The following PDE3A variants were observed in gnomAD, a reference collection of about 807,000 sequenced individuals.
PDE3A encodes cGMP-inhibited 3',5'-cyclic phosphodiesterase 3A.
Under a neutral mutation model 98.3 loss-of-function variants are expected in PDE3A, and 43 were observed. The ratio of observed to expected loss-of-function variants is 0.44; its 90% confidence interval spans 0.34 to 0.56. The LOEUF is 0.56. PDE3A is among the 20% of genes least tolerant of loss of function. The probability of loss-of-function intolerance (pLI) is 0.01; values close to 1 mark genes in which losing one functional copy is unlikely to be tolerated. For synonymous variants in PDE3A, 663 were observed against 567.9 expected, an observed-to-expected ratio of 1.17 and a Z score of -2.38; for missense variants, 1,427 against 1,440.7, an observed-to-expected ratio of 0.99 and a Z score of 0.15.
At chr12:20,401,645 C>G (rs1454848873) in intron 1 of PDE3A, among the ~76,000 whole-genome samples, 1 of 152,188 alleles carries the variant, frequency 6.6e-6, no homozygotes, top group African/African-American at 2.4e-5. Context: ...CTTCTACCTG[C>G]TTCACGATGT....
intron 15 of PDE3A, among the ~76,000 whole-genome samples, chr12:20,671,691 GA>G (rs1486802997): frequency 1.4e-5 from 2 of 146,860 alleles, no homozygotes; most frequent in African/African-American, 5.1e-5. Context: ...GTATTGATGG[GA>G]CATATTTCAA....
At chr12:20,414,561 G>A (rs1218838729) in intron 1 of PDE3A, among the ~76,000 whole-genome samples, 1 of 152,128 alleles carries the variant, frequency 6.6e-6, no homozygotes, top group Non-Finnish European at 1.5e-5. Context: ...TGTCAAAAAT[G>A]TTTTCCTATG....
At chr12:20,385,493 T>G (rs935950720) in intron 1 of PDE3A, among the ~76,000 whole-genome samples, 3 of 151,978 alleles carry the variant, frequency 2.0e-5, no homozygotes, top group African/African-American at 7.2e-5. Context: ...TGCACACGTA[T>G]GTTTATTGCG....
intron 1 of PDE3A, among the ~76,000 whole-genome samples, chr12:20,534,712 AT>A (rs1339846478): frequency 6.6e-6 from 1 of 152,100 alleles, no homozygotes; most frequent in Non-Finnish European, 1.5e-5. Context: ...AAGGAATCAT[AT>A]TTTTCCCCTT....
intron 2 of PDE3A, among the ~76,000 whole-genome samples, chr12:20,563,900 T>C (rs1180300199): frequency 6.6e-6 from 1 of 152,190 alleles, no homozygotes. Flanking sequence ...TATTTTTTAC[T>C]CTTCCCCCAC....
intron 1 of PDE3A, among the ~76,000 whole-genome samples, chr12:20,501,427 A>G (rs1302153395): frequency 6.6e-6 from 1 of 152,188 alleles, no homozygotes; most frequent in African/African-American, 2.4e-5. Context: ...TAGTGGAAGT[A>G]TACATGATTG....
In PDE3A at chr12:20,368,683, C is replaced by A. The variant is rs1379310789; in HGVS notation, c.-602C>A. On this transcript the variant is annotated 5_prime_UTR_variant, in exon 1 of 16. Transcript: ENST00000359062. Reference sequence around the variant, plus strand: ...CTTTGCTTTCTGCCCCAGGGAATGGCGATTCGCGTCCTGGGGCCGTGCCGG... The same window carrying A: ...CTTTGCTTTCTGCCCCAGGGAATGGAGATTCGCGTCCTGGGGCCGTGCCGG... Among the ~76,000 whole-genome samples, 1 of 151,810 alleles carries A rather than the reference C, an allele frequency of 6.6e-6. No individual in the cohort carries two copies. The highest frequency in any genetic ancestry group is 1.5e-5 in the Non-Finnish European group (1 of 67,926).
intron 1 of PDE3A, among the ~76,000 whole-genome samples, chr12:20,533,722 C>T (rs1056822504): frequency 1.3e-5 from 2 of 151,034 alleles, no homozygotes; most frequent in South Asian, 2.1e-4. Context: ...CCTCATGATC[C>T]GCCCCGCCCC....
At chr12:20,572,077 T>A in intron 2 of PDE3A, 1 of 1,199,688 alleles carries the variant, frequency 8.3e-7, no homozygotes, top group Non-Finnish European at 1.1e-6. Flanking sequence ...AAAATGAGAA[T>A]CAGTCTAACA....
Position 20,653,411 on chromosome 12 carries a change from G to C in PDE3A, c.2926-536G>C, listed in dbSNP as rs1435597049. 2.6e-5 allele frequency among the ~76,000 whole-genome samples: 4 copies of C among 151,294 alleles called. No homozygotes were observed. In the East Asian group the frequency reaches 7.8e-4, roughly 29 times the overall value. On this transcript the variant is annotated intron_variant, in intron 14 of 15. Coordinates refer to ENST00000359062, the MANE Select transcript of PDE3A (RefSeq NM_000921.5). ...AGATGGAGTCTCACTCTGTCACCCT[G>C]GAATGCAGTGGCACGATCTCAGCTC...
At chr12:20,547,823 A>C (rs1288630880) in intron 1 of PDE3A, among the ~76,000 whole-genome samples, 1 of 152,112 alleles carries the variant, frequency 6.6e-6, no homozygotes, top group Non-Finnish European at 1.5e-5. Flanking sequence ...ATAAACATGA[A>C]AGCAAAATAT....
At chr12:20,584,878 G>A (rs1396466557) in intron 2 of PDE3A, among the ~76,000 whole-genome samples, 4 of 152,004 alleles carry the variant, frequency 2.6e-5, no homozygotes, top group African/African-American at 4.8e-5. Context: ...TTTACTCTCT[G>A]TTCTCTTGAT....
rs1016284511 is a variant in PDE3A at position 20,575,876 on chromosome 12, T to TA, written c.1011+19173dup. Among the ~76,000 whole-genome samples the TA allele has an allele frequency of 3.0e-3, 460 of 151,986 alleles. 4 individuals are homozygous for TA. The highest frequency in any genetic ancestry group is 9.8e-3 in the African/African-American group (405 of 41,484). ...ACCTGATTGAAATAAGGGTCTTTTT[T>TA]AAAAAAATGTAGCACAAAACCCAAT... On this transcript the variant is annotated intron_variant, in intron 2 of 15. Coordinates refer to ENST00000359062, the MANE Select transcript of PDE3A (RefSeq NM_000921.5).
chr12:20,401,870 A>G (rs1446424797), intron 1 of PDE3A, among the ~76,000 whole-genome samples: 1 of 152,190 alleles, frequency 6.6e-6, no homozygotes, highest in African/African-American at 2.4e-5. Flanking sequence ...GATGCTTAAC[A>G]AATGTTTTTG....
At chr12:20,511,437 CACACACACAT>C (rs916273085) in intron 1 of PDE3A, among the ~76,000 whole-genome samples, 2 of 151,024 alleles carry the variant, frequency 1.3e-5, no homozygotes, top group African/African-American at 4.9e-5. Context: ...CACACACACA[CACACACACAT>C]ACACACACAC....
intron 1 of PDE3A, among the ~76,000 whole-genome samples, chr12:20,541,220 T>C (rs905530801): frequency 4.7e-5 from 7 of 149,950 alleles, no homozygotes; most frequent in African/African-American, 1.7e-4. Flanking sequence ...CCTCAGCATC[T>C]AGAATAGCTA....
At chr12:20,650,662 A>T in intron 14 of PDE3A, 62 bp downstream of exon 14, 1 of 1,003,470 alleles carries the variant, frequency 1.0e-6, no homozygotes, top group Non-Finnish European at 1.5e-6. Context: ...GAATTGCTCA[A>T]AGCTTCTAAC....
rs1288996357 is a variant in PDE3A at position 20,688,192 on chromosome 12, AGAGT to A, written c.*7926_*7929del. On this transcript the variant is annotated 3_prime_UTR_variant, in exon 16 of 16. Coordinates refer to ENST00000359062, the MANE Select transcript of PDE3A (RefSeq NM_000921.5). ...AAATTTTTCAACTTCTAGAAAAACA[AGAGT>A]GAGTCTTTTGAACTTCATCATTTTG... Among the ~76,000 whole-genome samples the A allele has an allele frequency of 2.0e-5, 3 of 152,040 alleles. No individual in the cohort carries two copies. In the South Asian group the frequency reaches 6.2e-4, roughly 32 times the overall value.
intron 6 of PDE3A, among the ~76,000 whole-genome samples, chr12:20,630,519 A>C (rs920437396): frequency 2.0e-5 from 3 of 152,186 alleles, no homozygotes; most frequent in African/African-American, 7.2e-5. Context: ...TATTAGGCAT[A>C]TTTAATTGTC....
Sources: gnomAD v4.1 joint callset for allele counts (sites outside exome capture counted in the v4.1 genomes callset) on GRCh38, gnomAD v4.1.1 for gene constraint, MANE v1.5 for transcripts, NCBI Gene and HGNC (gene_info 2026-07-23, HGNC 2026-07-21) for gene names.